Variants in SPATA17 observed in about 807,000 individuals in gnomAD.
SPATA17 encodes spermatogenesis-associated protein 17.
In SPATA17, 53 loss-of-function variants were observed where a neutral mutation model predicts 62.2. The observed-to-expected ratio is 0.85, with a 90% confidence interval of 0.68 to 1.07. SPATA17 has a LOEUF of 1.07. SPATA17 is among the 50% of genes least tolerant of loss of function. The pLI is 0.00. For missense variants in SPATA17, 466 were observed against 425.5 expected, an observed-to-expected ratio of 1.10 and a Z score of -0.84; for synonymous variants, 146 against 146.8, an observed-to-expected ratio of 0.99 and a Z score of 0.04.
chr1:217,740,555 T>C (rs1672605383), intron 5 of SPATA17, among the ~76,000 whole-genome samples: 1 of 152,188 alleles, frequency 6.6e-6, no homozygotes, highest in Non-Finnish European at 1.5e-5. Flanking sequence ...TGAGGTTTGT[T>C]TGGTACAGAA....
At chr1:217,776,897 A>G (rs561959493) in intron 7 of SPATA17, among the ~76,000 whole-genome samples, 13 of 152,056 alleles carry the variant, frequency 8.5e-5, no homozygotes, top group Non-Finnish European at 1.9e-4. Flanking sequence ...TCCTAGGGAG[A>G]GAGAGAGACA....
chr1:217,856,616 C>T (rs76791733), intron 9 of SPATA17, among the ~76,000 whole-genome samples: 3,780 of 152,260 alleles, frequency 0.025, 145 homozygotes, highest in African/African-American at 0.085. Flanking sequence ...TCTCTGGGAA[C>T]ATGTACACAT....
intron 9 of SPATA17, among the ~76,000 whole-genome samples, chr1:217,861,233 AAAAT>A (rs1259215710): frequency 6.6e-6 from 1 of 152,004 alleles, no homozygotes; most frequent in East Asian, 1.9e-4. Flanking sequence ...AAGAATAAGA[AAAAT>A]AAAAGGTTTT....
intron 6 of SPATA17, among the ~76,000 whole-genome samples, chr1:217,743,399 A>T (rs1386069959): frequency 2.0e-5 from 3 of 152,028 alleles, no homozygotes; most frequent in Admixed American, 1.3e-4. Flanking sequence ...GTTATTAGTA[A>T]TTTCAACTTT....
At chr1:217,804,639 A>T (rs567916047) in intron 9 of SPATA17, among the ~76,000 whole-genome samples, 1 of 152,316 alleles carries the variant, frequency 6.6e-6, no homozygotes, top group African/African-American at 2.4e-5. Context: ...CCAACCATAC[A>T]TTTGATAGAG....
At chr1:217,703,326 C>A (rs1671647360) in intron 5 of SPATA17, among the ~76,000 whole-genome samples, 1 of 152,060 alleles carries the variant, frequency 6.6e-6, no homozygotes, top group Admixed American at 6.6e-5. Context: ...CACCCACCAC[C>A]ATGCCCGGCT....
intron 8 of SPATA17, among the ~76,000 whole-genome samples, chr1:217,791,295 C>T (rs1404294603): frequency 6.6e-6 from 1 of 152,184 alleles, no homozygotes; most frequent in African/African-American, 2.4e-5. Context: ...ATTCCTCTGC[C>T]TCTCCCAGCT....
intron 1 of SPATA17, among the ~76,000 whole-genome samples, chr1:217,632,644 C>T (rs971377924): frequency 3.9e-5 from 6 of 152,070 alleles, no homozygotes; most frequent in African/African-American, 1.4e-4. Context: ...TTTTGCTCAC[C>T]ATTATTTTTG....
At chr1:217,701,385 T>C (rs1671593937) in intron 5 of SPATA17, among the ~76,000 whole-genome samples, 2 of 151,832 alleles carry the variant, frequency 1.3e-5, no homozygotes, top group Admixed American at 1.3e-4. Flanking sequence ...TTGTTTTATT[T>C]ATTTATTTTT....
chr1:217,840,678 G>T (rs1675373488), intron 9 of SPATA17, among the ~76,000 whole-genome samples: 1 of 151,916 alleles, frequency 6.6e-6, no homozygotes, highest in Non-Finnish European at 1.5e-5. Flanking sequence ...GGGCAACATG[G>T]CAAAACCCCA....
chr1:217,715,607 C>T (rs1187888882), intron 5 of SPATA17, among the ~76,000 whole-genome samples: 1 of 151,434 alleles, frequency 6.6e-6, no homozygotes, highest in Non-Finnish European at 1.5e-5. Context: ...ATCAACTGGG[C>T]TGTGTGCTTA....
intron 9 of SPATA17, among the ~76,000 whole-genome samples, chr1:217,860,031 CATTTAGTGCT>C (rs1320559825): frequency 9.9e-5 from 15 of 152,178 alleles, no homozygotes; most frequent in African/African-American, 2.9e-4. Flanking sequence ...CTAGTATATG[CATTTAGTGCT>C]ATCCATTTTC....
At chr1:217,715,479 G>A (rs1671979560) in intron 5 of SPATA17, among the ~76,000 whole-genome samples, 1 of 152,062 alleles carries the variant, frequency 6.6e-6, no homozygotes, top group Non-Finnish European at 1.5e-5. Flanking sequence ...TAATAGGTAA[G>A]GTCTATTAAA....
rs549971243 is a variant in SPATA17 at position 217,650,396 on chromosome 1, T to TTC, written c.159-689_159-688dup. Among the ~76,000 whole-genome samples, 10 of 150,480 alleles carry TTC rather than the reference T, an allele frequency of 6.6e-5. No individual in the cohort carries two copies. The East Asian group carries it at 1.4e-3, about 20-fold the overall frequency. On this transcript the variant is annotated intron_variant, in intron 2 of 10. Coordinates refer to ENST00000366933, the MANE Select transcript of SPATA17 (RefSeq NM_138796.4). ...ACTATTTCTTAACCTCATGAATTCT[T>TTC]TCTCTCTCTCTCTTTCTCTCTTTCT...
chr1:217,852,179 G>A (rs141366231), intron 9 of SPATA17, among the ~76,000 whole-genome samples: 1 of 152,086 alleles, frequency 6.6e-6, no homozygotes, highest in Non-Finnish European at 1.5e-5. Flanking sequence ...GTTAGTTATT[G>A]CCATCTTTAA....
rs552453486 is a variant in SPATA17, at chr1:217,696,199, A to G, written c.395+12838A>G. 2.8e-4 allele frequency among the ~76,000 whole-genome samples: 43 copies of G among 152,022 alleles called. No homozygotes were observed. The South Asian group carries it at 7.1e-3, about 25-fold the overall frequency. On this transcript the variant is annotated intron_variant, in intron 5 of 10. Coordinates refer to ENST00000366933, the MANE Select transcript of SPATA17 (RefSeq NM_138796.4). ...GGTGTGGGATATAGTCTCGTGGTGCACCGTTTTTTAAGCTGGTCTGAAAAG... is the reference window on the plus strand; with the variant it reads ...GGTGTGGGATATAGTCTCGTGGTGCGCCGTTTTTTAAGCTGGTCTGAAAAG...
At chr1:217,783,146 A>G (rs557492433) in intron 8 of SPATA17, among the ~76,000 whole-genome samples, 1 of 150,794 alleles carries the variant, frequency 6.6e-6, no homozygotes, top group East Asian at 1.9e-4. Context: ...TTGCATTTAC[A>G]TAATCATGTG....
chr1:217,726,406 T>C (rs11591067), intron 5 of SPATA17, among the ~76,000 whole-genome samples: 38,473 of 152,080 alleles, frequency 0.25, 5,309 homozygotes, highest in African/African-American at 0.35. Flanking sequence ...TTCTGATCAA[T>C]AAAAAGGGAA....
chr1:217,800,976 A>G (rs1184685949), intron 8 of SPATA17, among the ~76,000 whole-genome samples: 1 of 152,154 alleles, frequency 6.6e-6, no homozygotes, highest in African/African-American at 2.4e-5. Flanking sequence ...TTTTCTGTTG[A>G]TCATAAAAAT....
Sources: allele counts gnomAD v4.1 joint callset (sites outside exome capture counted in the v4.1 genomes callset), GRCh38; gene constraint gnomAD v4.1.1; transcripts MANE v1.5; gene names NCBI Gene and HGNC (gene_info 2026-07-23, HGNC 2026-07-21).